TENM3: variants seen among roughly 807,000 people sequenced by gnomAD.
TENM3 encodes teneurin transmembrane protein 3, also known as teneurin-3.
Under a neutral mutation model 255.1 loss-of-function variants are expected in TENM3, and 63 were observed. The observed-to-expected ratio is 0.25, with a 90% CI of 0.20 to 0.30. TENM3 has a LOEUF of 0.30. Among genes scored for constraint, TENM3 ranks in the 10% least tolerant of loss-of-function variants. TENM3 has a pLI of 1.00. For synonymous variants in TENM3, 1,306 were observed against 1,322.3 expected (o/e 0.99, Z 0.27); for missense variants, 2,929 against 3,461.1 (o/e 0.85, Z 3.86).
chr4:181,989,460 A>G, the TENM3 span, among the ~76,000 whole-genome samples: 1 of 152,184 alleles, frequency 6.6e-6, no homozygotes, highest in African/African-American at 2.4e-5. Flanking sequence ...CTAAAAAAAA[A>G]TCTTTAGAAA....
At chr4:181,806,118 A>G in the TENM3 span, among the ~76,000 whole-genome samples, 1 of 152,362 alleles carries the variant, frequency 6.6e-6, no homozygotes, top group African/African-American at 2.4e-5. Flanking sequence ...ATGTATGTAT[A>G]AAGAACTTGA....
the TENM3 span, among the ~76,000 whole-genome samples, chr4:181,520,151 G>A: frequency 6.6e-6 from 1 of 152,178 alleles, no homozygotes. Context: ...GCCATCCTTA[G>A]AGAGATAAAC....
chr4:182,450,286 G>C (rs1355211570), intron 3 of TENM3, among the ~76,000 whole-genome samples: 1 of 152,160 alleles, frequency 6.6e-6, no homozygotes, highest in Non-Finnish European at 1.5e-5. Context: ...CTTAAGAAAG[G>C]ATTGCAAATA....
chr4:182,209,140 G>A (rs990181108), intron 1 of TENM3, among the ~76,000 whole-genome samples: 2 of 151,888 alleles, frequency 1.3e-5, no homozygotes, highest in Non-Finnish European at 2.9e-5. Flanking sequence ...GCCAATTTTT[G>A]TATTTTTAGT....
At chr4:182,081,702 A>G in the TENM3 span, 6 of 152,146 alleles carry the variant, frequency 3.9e-5, no homozygotes, top group African/African-American at 9.7e-5. Context: ...GAAAACCATT[A>G]GCCAGAGGGG....
chr4:181,483,204 A>G, the TENM3 span, among the ~76,000 whole-genome samples: 1 of 152,172 alleles, frequency 6.6e-6, no homozygotes, highest in Non-Finnish European at 1.5e-5. Flanking sequence ...TAAATTGTCC[A>G]GAACCTGTAC....
At chr4:182,600,497 A>G (rs1253222269) in intron 3 of TENM3, among the ~76,000 whole-genome samples, 1 of 152,236 alleles carries the variant, frequency 6.6e-6, no homozygotes, top group Non-Finnish European at 1.5e-5. Context: ...TTAAATAATT[A>G]TAGGGATTAT....
chr4:182,114,446 A>T, the TENM3 span, among the ~76,000 whole-genome samples: 1 of 151,144 alleles, frequency 6.6e-6, no homozygotes, highest in African/African-American at 2.5e-5. Flanking sequence ...ATTTTATTCC[A>T]ATCGTTTTTA....
chr4:181,734,077 G>T, the TENM3 span, among the ~76,000 whole-genome samples: 3 of 152,092 alleles, frequency 2.0e-5, no homozygotes, highest in Admixed American at 1.3e-4. Flanking sequence ...ATTTAGAATT[G>T]CTTTTTCAAT....
chr4:181,547,148 G>A, the TENM3 span, among the ~76,000 whole-genome samples: 1 of 152,092 alleles, frequency 6.6e-6, no homozygotes, highest in African/African-American at 2.4e-5. Flanking sequence ...AAATGAGGAA[G>A]TAAAATAAAA....
intron 12 of TENM3, among the ~76,000 whole-genome samples, chr4:182,709,603 C>T (rs74289539): frequency 0.014 from 2,179 of 152,110 alleles, 50 homozygotes; most frequent in South Asian, 0.1. Flanking sequence ...GCAATTATTA[C>T]TTTTAATAAT....
intron 3 of TENM3, among the ~76,000 whole-genome samples, chr4:182,349,399 C>T (rs182435449): frequency 5.7e-4 from 87 of 152,124 alleles, no homozygotes; most frequent in Non-Finnish European, 9.7e-4. Flanking sequence ...GAAATTTCAG[C>T]GATTACTTAG....
chr4:182,440,827 T>A (rs1207366292), intron 3 of TENM3, among the ~76,000 whole-genome samples: 1 of 152,094 alleles, frequency 6.6e-6, no homozygotes, highest in Non-Finnish European at 1.5e-5. Flanking sequence ...AGAGGTTTTT[T>A]TTTTTTTCGA....
intron 3 of TENM3, among the ~76,000 whole-genome samples, chr4:182,494,906 A>G (rs1281207988): frequency 6.6e-6 from 1 of 152,212 alleles, no homozygotes; most frequent in Non-Finnish European, 1.5e-5. Context: ...TTATTAGATC[A>G]CCTTTCACAT....
chr4:181,674,441 TAAGTATTGGAAA>T, the TENM3 span, among the ~76,000 whole-genome samples: 8,371 of 151,882 alleles, frequency 0.055, 327 homozygotes, highest in Middle Eastern at 0.16. Context: ...CATGTTAAAT[TAAGTATTGGAAA>T]TGCTGAGTCA....
chr4:182,681,169 A>G (rs748287391), intron 10 of TENM3, among the ~76,000 whole-genome samples: 58 of 152,234 alleles, frequency 3.8e-4, no homozygotes, highest in African/African-American at 9.6e-4. Context: ...TATACGTATA[A>G]TGATGAGAGT....
At chr4:182,446,762 T>G (rs541268300) in intron 3 of TENM3, among the ~76,000 whole-genome samples, 1 of 152,264 alleles carries the variant, frequency 6.6e-6, no homozygotes, top group South Asian at 2.1e-4. Flanking sequence ...GCCCAGCCTC[T>G]TGGCAAATTT....
intron 1 of TENM3, among the ~76,000 whole-genome samples, chr4:182,165,463 C>T (rs1751641974): frequency 6.6e-6 from 1 of 152,188 alleles, no homozygotes; most frequent in African/African-American, 2.4e-5. Context: ...AACATCCTAG[C>T]AAATTTTTCT....
the TENM3 span, among the ~76,000 whole-genome samples, chr4:181,785,178 G>A: frequency 1.3e-5 from 2 of 152,122 alleles, no homozygotes; most frequent in Non-Finnish European, 2.9e-5. Context: ...TACTTTGAAT[G>A]GTAGGCGACC....
Sources: gnomAD v4.1 joint callset for allele counts (sites outside exome capture counted in the v4.1 genomes callset) on GRCh38, gnomAD v4.1.1 for gene constraint, MANE v1.5 for transcripts, NCBI Gene and HGNC (gene_info 2026-07-23, HGNC 2026-07-21) for gene names.